AGBL3: variants seen among roughly 807,000 people sequenced by gnomAD.
AGBL3 encodes AGBL carboxypeptidase 3.
AGBL3 carries 68 observed loss-of-function variants against 94.5 expected under a neutral mutation model. That is an observed-to-expected ratio of 0.72 (90% CI 0.59 to 0.88). AGBL3 has a LOEUF of 0.88. Among genes scored for constraint, AGBL3 ranks in the 40% least tolerant of loss-of-function variants. AGBL3 has a pLI of 0.00. For missense variants in AGBL3, 934 were observed against 1,103.8 expected (o/e 0.85, Z 2.18); for synonymous variants, 354 against 370.7 (o/e 0.95, Z 0.52).
At chr7:135,089,469 G>A (rs1006825906) in intron 15 of AGBL3, among the ~76,000 whole-genome samples, 1 of 152,152 alleles carries the variant, frequency 6.6e-6, no homozygotes, top group African/African-American at 2.4e-5. Context: ...GCATCTGGTG[G>A]AATGACTGTC....
chr7:135,062,325 C>T (rs1162233025), intron 12 of AGBL3, among the ~76,000 whole-genome samples: 1 of 151,966 alleles, frequency 6.6e-6, no homozygotes, highest in East Asian at 1.9e-4. Context: ...ATCATGTTGT[C>T]TCCAAACAAG....
intron 11 of AGBL3, among the ~76,000 whole-genome samples, 168 bp from the exon 12 acceptor site, chr7:135,059,001 C>A (rs1160102598): frequency 2.0e-5 from 3 of 152,184 alleles, no homozygotes; most frequent in Non-Finnish European, 4.4e-5. Context: ...AGGTGATCCA[C>A]CTGCCCTGGC....
At chr7:135,039,269 T>C (rs1409397176) in intron 8 of AGBL3, among the ~76,000 whole-genome samples, 1 of 152,186 alleles carries the variant, frequency 6.6e-6, no homozygotes, top group Non-Finnish European at 1.5e-5. Flanking sequence ...TCTACAAACA[T>C]GTAGATATTA....
At chr7:135,125,077 AC>A (rs1426327134) in intron 16 of AGBL3, among the ~76,000 whole-genome samples, 1 of 152,192 alleles carries the variant, frequency 6.6e-6, no homozygotes, top group African/African-American at 2.4e-5. Flanking sequence ...AGATAGAGAC[AC>A]AAAAAACTCC....
intron 12 of AGBL3, among the ~76,000 whole-genome samples, chr7:135,067,407 G>A (rs190770362): frequency 2.6e-5 from 4 of 152,308 alleles, no homozygotes; most frequent in East Asian, 1.9e-4. Flanking sequence ...CTCACAGCAC[G>A]CAACTGGAGA....
intron 15 of AGBL3, among the ~76,000 whole-genome samples, chr7:135,107,370 T>C (rs1260457163): frequency 6.6e-6 from 1 of 152,186 alleles, no homozygotes; most frequent in African/African-American, 2.4e-5. Flanking sequence ...AATTTCTCTC[T>C]TAACACTGCC....
intron 15 of AGBL3, among the ~76,000 whole-genome samples, chr7:135,105,284 G>A (rs1025587508): frequency 2.6e-5 from 4 of 152,036 alleles, no homozygotes; most frequent in Admixed American, 1.3e-4. Context: ...TGGCCAGGCT[G>A]GTCTTGAACT....
At chr7:135,032,715 A>C (rs1815897489) in intron 5 of AGBL3, 129 bp from the exon 6 acceptor site, 4 of 765,282 alleles carry the variant, frequency 5.2e-6, no homozygotes, top group Non-Finnish European at 7.7e-6. Flanking sequence ...ACATGTCTAT[A>C]TAAATTAGTG....
At chr7:135,096,113 C>T (rs978854598) in intron 15 of AGBL3, among the ~76,000 whole-genome samples, 2 of 151,538 alleles carry the variant, frequency 1.3e-5, no homozygotes, top group South Asian at 2.1e-4. Context: ...GATCATGCCA[C>T]TGCACTCCAG....
At chr7:135,126,316 C>G (rs1371668350) in intron 16 of AGBL3, among the ~76,000 whole-genome samples, 3 of 152,060 alleles carry the variant, frequency 2.0e-5, no homozygotes, top group Non-Finnish European at 2.9e-5. Context: ...AATAAAACAC[C>G]TAGGAATACA....
At chr7:135,114,576 T>A (rs1038536788) in intron 15 of AGBL3, among the ~76,000 whole-genome samples, 1 of 151,898 alleles carries the variant, frequency 6.6e-6, no homozygotes, top group Admixed American at 6.6e-5. Flanking sequence ...CACCACTGAT[T>A]CCTCTCTTAT....
intron 13 of AGBL3, among the ~76,000 whole-genome samples, chr7:135,077,208 C>T (rs149506455): frequency 1.8e-3 from 267 of 152,278 alleles, no homozygotes; most frequent in Middle Eastern, 3.4e-3. Flanking sequence ...CAGGTGAGTG[C>T]GGACAAGAGA....
chr7:135,132,870 A>G (rs1429950354), intron 16 of AGBL3, among the ~76,000 whole-genome samples: 5 of 152,202 alleles, frequency 3.3e-5, no homozygotes, highest in Non-Finnish European at 7.3e-5. Context: ...TGTTTTTATT[A>G]GCAGCGTGAG....
At chr7:135,102,059 G>A (rs1823918310) in intron 15 of AGBL3, among the ~76,000 whole-genome samples, 1 of 152,166 alleles carries the variant, frequency 6.6e-6, no homozygotes, top group Non-Finnish European at 1.5e-5. Context: ...ACATAGAATC[G>A]TGATTCCATT....
intron 11 of AGBL3, among the ~76,000 whole-genome samples, chr7:135,056,760 G>C (rs1408445192): frequency 6.6e-6 from 1 of 152,106 alleles, no homozygotes; most frequent in Non-Finnish European, 1.5e-5. Flanking sequence ...AATGGAGAGA[G>C]AGTTTGTGTT....
At chr7:134,988,140 G>A in intron 2 of AGBL3, 144 bp downstream of exon 2, 1 of 648,208 alleles carries the variant, frequency 1.5e-6, no homozygotes, top group Non-Finnish European at 2.5e-6. Context: ...TAATTTGGCT[G>A]AAAAAGCTAA....
chr7:135,016,647 A>G (rs1813844012), intron 4 of AGBL3, among the ~76,000 whole-genome samples: 1 of 152,180 alleles, frequency 6.6e-6, no homozygotes, highest in Admixed American at 6.5e-5. Context: ...AAACCTGAAC[A>G]TGTTTATAAG....
rs997839471 is a variant in AGBL3 at position 135,135,393 on chromosome 7, A to G, written c.*132A>G. On this transcript the variant is annotated 3_prime_UTR_variant, in exon 17 of 17. Transcript: ENST00000436302. ...CTTACACATGCATATGCATAAACTA[A>G]AAATTTTAGATATCCCATCTTCTGT... 4.7e-6 allele frequency: 3 copies of G among 639,974 alleles called. No individual in the cohort carries two copies. The highest frequency in any genetic ancestry group is 6.9e-6 in the Non-Finnish European group (3 of 432,246). 39.6% of individuals were successfully genotyped at this position (639,974 alleles called of 1,614,324 possible).
At chr7:135,016,946 T>A (rs1241219887) in intron 4 of AGBL3, 106 bp from the exon 5 acceptor site, 1 of 747,062 alleles carries the variant, frequency 1.3e-6, no homozygotes, top group East Asian at 2.7e-5. Context: ...CACAAAACAC[T>A]ACATTTTAGC....
Sources: gnomAD v4.1 joint callset for allele counts (sites outside exome capture counted in the v4.1 genomes callset) on GRCh38, gnomAD v4.1.1 for gene constraint, MANE v1.5 for transcripts, NCBI Gene and HGNC (gene_info 2026-07-23, HGNC 2026-07-21) for gene names.